CATSPERG: variants seen among roughly 807,000 people sequenced by gnomAD.
CATSPERG encodes catsper channel auxiliary subunit gamma.
In CATSPERG, 115 loss-of-function variants were observed where a neutral mutation model predicts 145.0. The ratio of observed to expected loss-of-function variants is 0.79; its 90% CI spans 0.68 to 0.93. The LOEUF (loss-of-function observed/expected upper bound fraction) is 0.93, where lower values mean the gene tolerates loss of function less well. Among genes scored for constraint, CATSPERG ranks in the 40% least tolerant of loss-of-function variants. The probability of loss-of-function intolerance (pLI) is 0.00; values close to 1 mark genes in which losing one functional copy is unlikely to be tolerated. For synonymous variants in CATSPERG, 588 were observed against 589.0 expected, an observed-to-expected ratio of 1.00 and a Z score of 0.02; for missense variants, 1,296 against 1,490.1, an observed-to-expected ratio of 0.87 and a Z score of 2.14.
Position 38,343,610 on chromosome 19 carries a change from C to G in CATSPERG, c.355C>G (p.Leu119Val). 1 of 1,551,224 alleles carries G rather than the reference C, an allele frequency of 6.4e-7. No individual in the cohort carries two copies. The highest frequency in any genetic ancestry group is 8.7e-7 in the Non-Finnish European group (1 of 1,146,808). ...PSEDLVRMGH[L>V]TGLKPLVLVT... is the part of the protein sequence containing the mutation. ...TGAGGACCTGGTGCGCATGGGCCAC[C>G]TGACGGGGCTAAAGCCCCTGGTGCT... Residue 119 changes from leucine (L) to valine (V), a missense_variant, in exon 4 of 29, where the codon CTG becomes GTG. Transcript: ENST00000409235.
intron 8 of CATSPERG, among the ~76,000 whole-genome samples, chr19:38,353,556 G>T (rs1336826843): frequency 6.6e-6 from 1 of 150,914 alleles, no homozygotes; most frequent in Admixed American, 6.6e-5. Flanking sequence ...AATTAGCTGG[G>T]CGTGGTGGCA....
rs71334833 is a variant in CATSPERG, at chr19:38,344,882, C to CAT, written c.669+533_669+534dup. 3.1e-3 allele frequency among the ~76,000 whole-genome samples: 164 copies of CAT among 53,306 alleles called. 4 individuals carry two copies. The highest frequency in any genetic ancestry group is 4.2e-3 in the Non-Finnish European group (99 of 23,762). 35.0% of individuals were successfully genotyped at this position (53,306 alleles called of 152,430 possible). ...ACACACACACACACACACACACACA[C>CAT]ATATATATATATATATATATTTTTT... On this transcript the variant is annotated intron_variant, in intron 6 of 28. Transcript: ENST00000409235.
chr19:38,337,187 C>A (rs1409401961), intron 1 of CATSPERG, 34 bp from the exon 2 acceptor site: 7 of 1,541,568 alleles, frequency 4.5e-6, no homozygotes, highest in Non-Finnish European at 5.3e-6. Context: ...AGAGAGCTGT[C>A]CGGCGCGTGG....
At chr19:38,352,138 G>A (rs1391904971) in intron 7 of CATSPERG, 123 bp from the exon 8 acceptor site, 29 of 922,354 alleles carry the variant, frequency 3.1e-5, no homozygotes, top group African/African-American at 9.9e-5. Flanking sequence ...CAGGGAGAGC[G>A]CCCTGGGGCA....
chr19:38,352,202 A>G (rs915437784), intron 7 of CATSPERG, 59 bp from the exon 8 acceptor site: 11 of 1,508,082 alleles, frequency 7.3e-6, no homozygotes, highest in African/African-American at 1.4e-5. Flanking sequence ...CCCGCAAGGC[A>G]GGACATGGGG....
chr19:38,344,642 C>G (rs1969996637), intron 6 of CATSPERG, among the ~76,000 whole-genome samples: 1 of 151,824 alleles, frequency 6.6e-6, no homozygotes, highest in Non-Finnish European at 1.5e-5. Flanking sequence ...CTGTCTGACT[C>G]CTATACACAC....
In CATSPERG at chr19:38,346,485, C is replaced by G; in HGVS notation, c.705C>G (p.Val235=). The G allele has an allele frequency of 6.5e-7, 1 of 1,550,250 alleles. No homozygotes were observed. The highest frequency in any genetic ancestry group is 8.7e-7 in the Non-Finnish European group (1 of 1,145,792). ...TGATGCCCCAGTACTTTGTGGGTGT[C>G]TCATCGAGGCCCTTGTGGCACACTG... ...FNLMPQYFVG[V]SSRPLWHTVD... is the part of the protein sequence containing the mutation. The change falls in exon 7 of 29, where the codon GTC becomes GTG. Residue 235 remains valine (V), a synonymous_variant. Transcript: ENST00000409235.
intron 15 of CATSPERG, 29 bp downstream of exon 15, chr19:38,360,676 G>T (rs761092123): frequency 6.2e-7 from 1 of 1,613,910 alleles, no homozygotes; most frequent in Non-Finnish European, 8.5e-7. Context: ...CGGGGACATC[G>T]GGGCACCCCA....
At chr19:38,365,871 C>A (rs1005084268) in intron 22 of CATSPERG, 1 of 152,108 alleles carries the variant, frequency 6.6e-6, no homozygotes, top group Non-Finnish European at 1.5e-5. Context: ...CCATGCCTAG[C>A]TAATTTTTTA....
intron 8 of CATSPERG, among the ~76,000 whole-genome samples, chr19:38,352,901 C>T (rs559301144): frequency 4.6e-5 from 7 of 151,722 alleles, no homozygotes; most frequent in Admixed American, 1.3e-4. Context: ...CACAGTGGCT[C>T]AGGAGGCCAG....
intron 26 of CATSPERG, among the ~76,000 whole-genome samples, chr19:38,369,070 C>A (rs1332010272): frequency 1.3e-5 from 2 of 151,858 alleles, no homozygotes; most frequent in African/African-American, 4.8e-5. Flanking sequence ...TAAATCAATT[C>A]GTGGCAGGCA....
At chr19:38,363,978 G>A (rs576472641) in intron 20 of CATSPERG, among the ~76,000 whole-genome samples, 1 of 152,360 alleles carries the variant, frequency 6.6e-6, no homozygotes, top group African/African-American at 2.4e-5. Context: ...TGAGCTGTTG[G>A]GCATACCTCC....
chr19:38,362,208 A>T lies in CATSPERG; in HGVS notation c.2095-2A>T. Reference sequence around the variant, plus strand: ...CTTCACGGTGCCGGGCGATCCCTGCAGCCGTACGCGGACCCGGTGCACGAC... The same window carrying T: ...CTTCACGGTGCCGGGCGATCCCTGCTGCCGTACGCGGACCCGGTGCACGAC... On this transcript the variant is annotated splice_acceptor_variant, in intron 17 of 28. Transcript: ENST00000409235. LOFTEE classifies it high-confidence loss of function. 1 of 1,591,106 alleles carries T rather than the reference A, an allele frequency of 6.3e-7. No homozygotes were observed. The highest frequency in any genetic ancestry group is 8.6e-7 in the Non-Finnish European group (1 of 1,168,808).
rs1161141723 is a variant in CATSPERG at position 38,361,730 on chromosome 19, A to T, written c.1963A>T (p.Thr655Ser). Reference protein sequence around the residue: ...LRSLPSPQRYTRQERYRARPP... With the variant: ...LRSLPSPQRYSRQERYRARPP... ...GAGCCTGCCCAGTCCGCAGAGATAC[A>T]CGCGCCAGGAGCGCTACCGGGCGCG... The change falls in exon 17 of 29, where the codon ACG (threonine) becomes TCG (serine). Residue 655 changes from threonine to serine, a missense_variant. Physicochemically the swap from Thr to Ser is moderately conservative, Grantham distance 58. Transcript: ENST00000409235. 1 of 1,612,516 alleles carries T rather than the reference A, an allele frequency of 6.2e-7. No homozygotes were observed. Among genetic ancestry groups the T allele is most frequent in the African/African-American group, 1.3e-5 (1 of 74,686 alleles).
Position 38,358,595 on chromosome 19 carries a change from T to C in CATSPERG, c.1496+34T>C, listed in dbSNP as rs369126375. 10 of 1,613,424 alleles carry C rather than the reference T, an allele frequency of 6.2e-6. No individual in the cohort carries two copies. The African/African-American group carries it at 1.3e-4, about 22-fold the overall frequency. ...CTACCACCCCTGGGTGGGCCAGGCA[T>C]ACTCTGTCTCCCCAGCAACTTTACG... On this transcript the variant is annotated intron_variant, in intron 13 of 28. Transcript: ENST00000409235.
rs1220869524 is a variant in CATSPERG at position 38,343,644 on chromosome 19, T to C, written c.389T>C (p.Phe130Ser). Residue 130 changes from phenylalanine (F) to serine (S), a missense_variant, in exon 4 of 29, where the codon TTC becomes TCC. Transcript: ENST00000409235. Reference protein sequence around the residue: ...TGLKPLVLVTFQSPVNFYRWK... With the variant: ...TGLKPLVLVTSQSPVNFYRWK... ...CTAAAGCCCCTGGTGCTGGTCACCT[T>C]CCAGTCCCCAGTCAACTTCTACCGC... 4 of 1,551,516 alleles carry C rather than the reference T, an allele frequency of 2.6e-6. No homozygotes were observed. Among genetic ancestry groups the C allele is most frequent in the Non-Finnish European group, 2.6e-6 (3 of 1,146,920 alleles).
rs371214218 is a variant in CATSPERG at position 38,367,201 on chromosome 19, C to T, written c.2659C>T (p.Arg887Cys). Reference protein sequence around the residue: ...PVFIGCPPGKRLAFDITYTLE... With the variant: ...PVFIGCPPGKCLAFDITYTLE... ...GTTCATTGGCTGCCCCCCAGGCAAG[C>T]GCCTGGCCTTCGACATCACCTACAC... Residue 887 changes from arginine (R) to cysteine (C), a missense_variant, in exon 23 of 29, where the codon CGC becomes TGC. Arg to Cys is a radical substitution (Grantham distance 180). Coordinates refer to ENST00000409235, the MANE Select transcript of CATSPERG (RefSeq NM_021185.5). 32 of 1,613,838 alleles carry T rather than the reference C, an allele frequency of 2.0e-5. No individual in the cohort carries two copies. In the East Asian group the frequency reaches 2.5e-4, roughly 12 times the overall value.
chr19:38,356,770 A>G lies in CATSPERG; in HGVS notation c.1224A>G (p.Glu408=). The G allele has an allele frequency of 1.2e-6, 2 of 1,614,166 alleles. No homozygotes were observed. Among genetic ancestry groups the G allele is most frequent in the African/African-American group, 1.3e-5 (1 of 75,044 alleles). The stretch of plus-strand genomic sequence containing the variant: ...CCACCTGCTCCATAATTTGGTCTGA[A>G]TACATCGCGGGTGAGTATACTCTAC... ...GVTTCSIIWS[E]YIAGEYTLLL... is the part of the protein sequence containing the mutation. Residue 408 remains glutamate, a synonymous_variant, in exon 11 of 29, where the codon GAA becomes GAG. Coordinates refer to ENST00000409235, the MANE Select transcript of CATSPERG (RefSeq NM_021185.5).
chr19:38,368,866 T>C (rs1451909713), intron 26 of CATSPERG, among the ~76,000 whole-genome samples: 1 of 152,144 alleles, frequency 6.6e-6, no homozygotes, highest in Non-Finnish European at 1.5e-5. Flanking sequence ...TTTCACCACG[T>C]TGGTCAGGCT....
Sources: allele counts gnomAD v4.1 joint callset (sites outside exome capture counted in the v4.1 genomes callset), GRCh38; gene constraint gnomAD v4.1.1; transcripts MANE v1.5; gene names NCBI Gene and HGNC (gene_info 2026-07-23, HGNC 2026-07-21).